CMYA5: variants seen among roughly 807,000 people sequenced by gnomAD.
CMYA5 encodes the protein cardiomyopathy-associated protein 5.
A neutral mutation model predicts 318.9 loss-of-function variants in CMYA5; 246 were observed. The observed-to-expected ratio is 0.77, with a 90% CI of 0.70 to 0.86. The LOEUF (loss-of-function observed/expected upper bound fraction) is 0.86, where lower values mean the gene tolerates loss of function less well. Among genes scored for constraint, CMYA5 ranks in the 40% least tolerant of loss-of-function variants. CMYA5 has a pLI of 0.00. For synonymous variants in CMYA5, 1,641 were observed against 1,729.5 expected, an observed-to-expected ratio of 0.95 and a Z score of 1.27; for missense variants, 4,589 against 4,678.2, an observed-to-expected ratio of 0.98 and a Z score of 0.56.
At chr5:79,795,479 A>G (rs1473033374) in intron 12 of CMYA5, among the ~76,000 whole-genome samples, 1 of 152,170 alleles carries the variant, frequency 6.6e-6, no homozygotes, top group Non-Finnish European at 1.5e-5. Context: ...TAAACTTGCC[A>G]TGCTAGCTCA....
chr5:79,778,537 A>T (rs1252838369), intron 9 of CMYA5, among the ~76,000 whole-genome samples: 1 of 152,132 alleles, frequency 6.6e-6, no homozygotes, highest in Non-Finnish European at 1.5e-5. Flanking sequence ...GTTCAGAGCC[A>T]CTACAGTACT....
chr5:79,785,312 A>G (rs746468394), intron 9 of CMYA5, among the ~76,000 whole-genome samples: 17 of 152,046 alleles, frequency 1.1e-4, no homozygotes, highest in Non-Finnish European at 1.5e-4. Flanking sequence ...CAGGATGCGT[A>G]GCCTCCTCCA....
At chr5:79,717,898 T>TGC (rs1189096169) in intron 1 of CMYA5, among the ~76,000 whole-genome samples, 5 of 94,246 alleles carry the variant, frequency 5.3e-5, no homozygotes, top group African/African-American at 2.4e-4. Context: ...TTTTTTTTTT[T>TGC]TTTTTTTTGA....
rs1827933339 is a variant in CMYA5, at chr5:79,732,364, C to T, written c.3599C>T (p.Ala1200Val). 6.2e-7 allele frequency: 1 copy of T among 1,613,578 alleles called. No individual in the cohort carries two copies. The highest frequency in any genetic ancestry group is 8.5e-7 in the Non-Finnish European group (1 of 1,179,806). The change falls in exon 2 of 13, where the codon GCT (alanine) becomes GTT (valine). Residue 1200 changes from alanine to valine, a missense_variant. This residue lies in a region of CMYA5 where 2,132 missense variants were observed against 2,131.3 expected (regional missense o/e 1.00). Coordinates refer to ENST00000446378, the MANE Select transcript of CMYA5 (RefSeq NM_153610.5). ...CTAAAAGCTGCAGATGAACAGATGG[C>T]TTTGTCAAAAGTCAGAAAGGAAGAA... ...LTLKAADEQM[A>V]LSKVRKEEIV...
At chr5:79,740,284 G>T (rs1364117241) in intron 2 of CMYA5, among the ~76,000 whole-genome samples, 1 of 152,160 alleles carries the variant, frequency 6.6e-6, no homozygotes, top group African/African-American at 2.4e-5. Flanking sequence ...AGGCCTAGGG[G>T]CTAGCAAGAG....
At position 79,735,449 on chromosome 5, in the gene CMYA5, T is replaced by G. The variant is rs1828036070; in HGVS notation, c.6684T>G (p.Asn2228Lys). 6.2e-7 allele frequency: 1 copy of G among 1,613,894 alleles called. No individual in the cohort carries two copies. The highest frequency in any genetic ancestry group is 1.3e-5 in the African/African-American group (1 of 75,050). The part of the protein sequence containing the change: ...DPEGTIPTNF[N>K]VAEKPADHSL... ...AAGGTACAATTCCCACCAATTTTAA[T>G]GTAGCTGAGAAACCAGCTGATCATT... Residue 2228 changes from asparagine to lysine, a missense_variant, in exon 2 of 13, where the codon AAT becomes AAG. Coordinates refer to ENST00000446378, the MANE Select transcript of CMYA5 (RefSeq NM_153610.5).
In CMYA5 at chr5:79,791,027, G is replaced by A. The variant is rs1829167914; in HGVS notation, c.11747G>A (p.Ser3916Asn). ...CATCCTGCTCTACACATTTCCTCAA[G>A]TGGGACAGTGATCAGCTTTGGTGAG... ...TAHPALHISSSGTVISFGERR... is the reference protein window; with the variant it reads ...TAHPALHISSNGTVISFGERR... Residue 3916 changes from serine to asparagine, a missense_variant, in exon 11 of 13, where the codon AGT (serine) becomes AAT (asparagine). Physicochemically the swap from Ser to Asn is conservative, Grantham distance 46. This residue lies in a region of CMYA5 where 2,431 missense variants were observed against 2,495.1 expected (regional missense o/e 0.97). Coordinates refer to ENST00000446378, the MANE Select transcript of CMYA5 (RefSeq NM_153610.5). 6.2e-7 allele frequency: 1 copy of A among 1,613,896 alleles called. No homozygotes were observed. Among genetic ancestry groups the A allele is most frequent in the Non-Finnish European group, 8.5e-7 (1 of 1,179,840 alleles).
intron 8 of CMYA5, 23 bp from the exon 9 acceptor site, chr5:79,763,039 C>T (rs745449685): frequency 6.2e-7 from 1 of 1,601,948 alleles, no homozygotes; most frequent in Non-Finnish European, 8.5e-7. Flanking sequence ...TGCTCCACGA[C>T]TGTCCTGACT....
chr5:79,786,140 C>T (rs1380076679), intron 9 of CMYA5, among the ~76,000 whole-genome samples: 1 of 152,228 alleles, frequency 6.6e-6, no homozygotes, highest in African/African-American at 2.4e-5. Context: ...GGTTGAGAGG[C>T]CTCTGAAGCC....
At position 79,753,956 on chromosome 5, in the gene CMYA5, A is replaced by G. The variant is rs566888568; in HGVS notation, c.11110+1162A>G. ...GCTTTTAAGGGATTCATTATATGCCACTGTTCATTTAGGAGGATATGCTTT... is the reference window on the plus strand; with the variant it reads ...GCTTTTAAGGGATTCATTATATGCCGCTGTTCATTTAGGAGGATATGCTTT... On this transcript the variant is annotated intron_variant, in intron 6 of 12. Transcript: ENST00000446378. Among the ~76,000 whole-genome samples, 29 of 152,356 alleles carry G rather than the reference A, an allele frequency of 1.9e-4. No homozygotes were observed. In the South Asian group the frequency reaches 5.4e-3, roughly 28 times the overall value.
rs962522223 is a variant in CMYA5, at chr5:79,733,204, C to G, written c.4439C>G (p.Ser1480Cys). Residue 1480 changes from serine to cysteine, a missense_variant, in exon 2 of 13, where the codon TCT (serine) becomes TGT (cysteine). Physicochemically the swap from Ser to Cys is moderately radical, Grantham distance 112. Coordinates refer to ENST00000446378, the MANE Select transcript of CMYA5 (RefSeq NM_153610.5). ...TTGCCAGTAATCAAAACATCATCTT[C>G]TCAGCATTCAGATAAATCTGAGGAA... ...AGLPVIKTSS[S>C]QHSDKSEEAR... The G allele has an allele frequency of 1.2e-6, 2 of 1,613,586 alleles. No homozygotes were observed. The highest frequency in any genetic ancestry group is 8.5e-7 in the Non-Finnish European group (1 of 1,179,784).
In CMYA5 at chr5:79,738,589, C is replaced by T. The variant is rs763085801; in HGVS notation, c.9824C>T (p.Pro3275Leu). The T allele has an allele frequency of 6.2e-6, 10 of 1,613,468 alleles. No homozygotes were observed. Among genetic ancestry groups the T allele is most frequent in the Admixed American group, 1.7e-5 (1 of 59,980 alleles). ...KRVGKDDSYQPIAAEGEIWGK... is the reference protein window; with the variant it reads ...KRVGKDDSYQLIAAEGEIWGK... ...GTTGGTAAGGATGATTCATACCAACCGATAGCTGCAGAAGGGGAAATTTGG... is the reference window on the plus strand; with the variant it reads ...GTTGGTAAGGATGATTCATACCAACTGATAGCTGCAGAAGGGGAAATTTGG... Residue 3275 changes from proline (P) to leucine (L), a missense_variant, in exon 2 of 13, where the codon CCG becomes CTG. Coordinates refer to ENST00000446378, the MANE Select transcript of CMYA5 (RefSeq NM_153610.5).
At position 79,729,017 on chromosome 5, in the gene CMYA5, C is replaced by G. The variant is rs143935876; in HGVS notation, c.252C>G (p.Thr84=). The G allele has an allele frequency of 1.0e-4, 169 of 1,613,912 alleles. No individual in the cohort carries two copies. The East Asian group carries it at 1.8e-3, about 17-fold the overall frequency. The change falls in exon 2 of 13, where the codon ACC becomes ACG. Residue 84 remains threonine, a synonymous_variant. Coordinates refer to ENST00000446378, the MANE Select transcript of CMYA5 (RefSeq NM_153610.5). ...VTVQREDSGI[T]WETNSSRSST... ...TCCAAAGGGAAGATAGTGGGATAAC[C>G]TGGGAAACCAATTCAAGTAGATCTT... is the stretch of plus-strand genomic sequence containing the variant.
At chr5:79,757,605 A>T (rs529466967) in intron 6 of CMYA5, among the ~76,000 whole-genome samples, 4 of 152,356 alleles carry the variant, frequency 2.6e-5, no homozygotes, top group Non-Finnish European at 5.9e-5. Flanking sequence ...TTATTTTTGC[A>T]AGTATTTTTC....
Position 79,734,983 on chromosome 5 carries a change from A to G in CMYA5, c.6218A>G (p.His2073Arg), listed in dbSNP as rs768540120. 1 of 1,613,708 alleles carries G rather than the reference A, an allele frequency of 6.2e-7. No homozygotes were observed. The change falls in exon 2 of 13, where the codon CAT (histidine) becomes CGT (arginine). Residue 2073 changes from histidine to arginine, a missense_variant. Coordinates refer to ENST00000446378, the MANE Select transcript of CMYA5 (RefSeq NM_153610.5). ...ETISSSVKTA[H>R]FPAEGVEPAL... is the part of the protein sequence containing the mutation. ...ATCTCCTCTTCTGTCAAAACAGCCC[A>G]TTTCCCGGCAGAAGGTGTGGAACCT... is the stretch of plus-strand genomic sequence containing the variant.
In CMYA5 at chr5:79,729,407, A is replaced by G. The variant is rs763335756; in HGVS notation, c.642A>G (p.Pro214=). The G allele has an allele frequency of 1.2e-6, 2 of 1,613,796 alleles. No individual in the cohort carries two copies. The highest frequency in any genetic ancestry group is 1.7e-5 in the Admixed American group (1 of 60,018). Residue 214 remains proline, a synonymous_variant, in exon 2 of 13, where the codon CCA becomes CCG. Transcript: ENST00000446378. ...GGGCAATATACAAAGAACACAAGCC[A>G]TTAGTGTTAAGACCAGTCTACATAG... ...ITGAIYKEHK[P]LVLRPVYIGT...
Position 79,733,532 on chromosome 5 carries a change from T to C in CMYA5, c.4767T>C (p.Asp1589=), listed in dbSNP as rs762092894. 1 of 1,613,954 alleles carries C rather than the reference T, an allele frequency of 6.2e-7. No homozygotes were observed. The highest frequency in any genetic ancestry group is 1.1e-5 in the South Asian group (1 of 91,080). ...CCCCAACATTACTGCTCCTCAGTGATGATAAGAACAAACCGGCAGTGGAGG... is the reference window on the plus strand; with the variant it reads ...CCCCAACATTACTGCTCCTCAGTGACGATAAGAACAAACCGGCAGTGGAGG... ...GLAPTLLLLS[D]DKNKPAVEVS... is the part of the protein sequence containing the mutation. The change falls in exon 2 of 13, where the codon GAT becomes GAC. Residue 1589 remains aspartate, a synonymous_variant. Coordinates refer to ENST00000446378, the MANE Select transcript of CMYA5 (RefSeq NM_153610.5).
chr5:79,758,996 C>G (rs1828592377), intron 7 of CMYA5, 94 bp downstream of exon 7: 1 of 1,067,672 alleles, frequency 9.4e-7, no homozygotes, highest in South Asian at 3.1e-5. Flanking sequence ...ACTCTTCCCA[C>G]AAAGCATTTA....
chr5:79,724,844 T>C (rs143100073), intron 1 of CMYA5, among the ~76,000 whole-genome samples: 1 of 152,336 alleles, frequency 6.6e-6, no homozygotes, highest in East Asian at 1.9e-4. Context: ...TCATTCAACT[T>C]TGGATCTCTC....
Sources: allele counts gnomAD v4.1 joint callset (sites outside exome capture counted in the v4.1 genomes callset), GRCh38; gene constraint gnomAD v4.1.1; regional missense constraint gnomAD v4.1.1; transcripts MANE v1.5; gene names NCBI Gene and HGNC (gene_info 2026-07-23, HGNC 2026-07-21).